The following PPFIA1 variants were observed in gnomAD, a reference collection of about 807,000 sequenced individuals.
The protein encoded by PPFIA1 is PPFI scaffold protein A1.
Under a neutral mutation model 149.9 loss-of-function variants are expected in PPFIA1, and 25 were observed. The ratio of observed to expected loss-of-function variants is 0.17; its 90% confidence interval spans 0.12 to 0.23. The LOEUF (loss-of-function observed/expected upper bound fraction) is 0.23, where lower values mean the gene tolerates loss of function less well. PPFIA1 is among the 10% of genes least tolerant of loss of function. The pLI is 1.00. For synonymous variants in PPFIA1, 549 were observed against 552.8 expected (o/e 0.99, Z 0.10); for missense variants, 1,362 against 1,506.5 (o/e 0.90, Z 1.59).
In PPFIA1 at chr11:70,270,731, C is replaced by A. The variant is rs1160133598; in HGVS notation, c.-184C>A. 6.6e-6 allele frequency: 1 copy of A among 150,846 alleles called. No homozygotes were observed. The highest frequency in any genetic ancestry group is 2.1e-4 in the South Asian group (1 of 4,814). 9.3% of individuals were successfully genotyped at this position (150,846 alleles called of 1,614,324 possible). On this transcript the variant is annotated 5_prime_UTR_variant, in exon 1 of 28. Transcript: ENST00000253925. The stretch of plus-strand genomic sequence containing the variant: ...CAGCCGGGCCCGCTCCTCCTCCGCT[C>A]CGCCAGTGTCCGGCCGCGGGCCGGC...
Position 70,339,209 on chromosome 11 carries a change from C to G in PPFIA1, c.1610C>G (p.Pro537Arg). 6.2e-7 allele frequency: 1 copy of G among 1,614,162 alleles called. No homozygotes were observed. Among genetic ancestry groups the G allele is most frequent in the South Asian group, 1.1e-5 (1 of 91,088 alleles). Residue 537 changes from proline (P) to arginine (R), a missense_variant, in exon 14 of 28, where the codon CCC becomes CGC. Transcript: ENST00000253925. ...HLGSVPDFRF[P>R]MADGHTDSYS... ...GGCAGTGTCCCAGATTTCAGGTTCC[C>G]CATGGCAGACGGCCACACAGACTCC...
intron 3 of PPFIA1, 97 bp downstream of exon 3, chr11:70,324,600 C>A: frequency 9.2e-7 from 1 of 1,088,412 alleles, no homozygotes. Flanking sequence ...TCTGTCTGGC[C>A]TGAAATACTT....
intron 15 of PPFIA1, among the ~76,000 whole-genome samples, 163 bp downstream of exon 15, chr11:70,344,055 G>T (rs2055522990): frequency 6.6e-6 from 1 of 152,226 alleles, no homozygotes; most frequent in Non-Finnish European, 1.5e-5. Context: ...GTCTGAAATT[G>T]CCCTTGAATA....
chr11:70,336,452 A>G (rs1423355360), intron 11 of PPFIA1, among the ~76,000 whole-genome samples: 2 of 151,658 alleles, frequency 1.3e-5, no homozygotes, highest in Non-Finnish European at 2.9e-5. Flanking sequence ...TAGTGAGCCA[A>G]GATTGCGCCA....
At chr11:70,288,442 GC>G (rs1373705317) in intron 2 of PPFIA1, among the ~76,000 whole-genome samples, 1 of 152,142 alleles carries the variant, frequency 6.6e-6, no homozygotes, top group African/African-American at 2.4e-5. Context: ...AGAAAGTGGG[GC>G]CACTGCCTGA....
rs1276099175 is a variant in PPFIA1, at chr11:70,384,146, A to C, written c.*1156A>C. On this transcript the variant is annotated 3_prime_UTR_variant, in exon 28 of 28. Transcript: ENST00000253925. Reference sequence around the variant, plus strand: ...TAAATGGCATATTAACAAGCCAGCAAAGTGTGTCAGACCATGGCGTGGTAT... The same window carrying C: ...TAAATGGCATATTAACAAGCCAGCACAGTGTGTCAGACCATGGCGTGGTAT... 6.6e-6 allele frequency: 1 copy of C among 152,318 alleles called. No individual in the cohort carries two copies. Among genetic ancestry groups the C allele is most frequent in the Admixed American group, 6.5e-5 (1 of 15,304 alleles). 9.4% of individuals were successfully genotyped at this position (152,318 alleles called of 1,614,324 possible).
intron 2 of PPFIA1, among the ~76,000 whole-genome samples, chr11:70,280,386 T>C (rs989520307): frequency 6.6e-6 from 1 of 151,860 alleles, no homozygotes; most frequent in Admixed American, 6.6e-5. Flanking sequence ...CTGGCCAACA[T>C]GGTGAAACCC....
chr11:70,286,594 C>T (rs375629661), intron 2 of PPFIA1, among the ~76,000 whole-genome samples: 4 of 152,030 alleles, frequency 2.6e-5, no homozygotes, highest in East Asian at 1.9e-4. Flanking sequence ...GTCTCCAGGA[C>T]CTGTGGGATG....
intron 26 of PPFIA1, 51 bp from the exon 27 acceptor site, chr11:70,382,037 G>A (rs1296287010): frequency 6.5e-7 from 1 of 1,547,496 alleles, no homozygotes; most frequent in Non-Finnish European, 8.9e-7. Flanking sequence ...GATGTTCTAA[G>A]ACTAACTGCA....
rs1464278702 is a variant in PPFIA1 at position 70,338,452 on chromosome 11, G to A, written c.1570G>A (p.Gly524Ser). The A allele has an allele frequency of 1.2e-6, 2 of 1,606,814 alleles. No individual in the cohort carries two copies. Among genetic ancestry groups the A allele is most frequent in the Middle Eastern group, 1.7e-4 (1 of 6,042 alleles). Residue 524 changes from glycine to serine, a missense_variant and splice_region_variant, in exon 13 of 28, where the codon GGC becomes AGC. Transcript: ENST00000253925. Reference sequence around the variant, plus strand: ...ACTAAGAGGTGCTTCACTTCATCATGGGTATGGTATTAACCAGTGAGCAGC... The same window carrying A: ...ACTAAGAGGTGCTTCACTTCATCATAGGTATGGTATTAACCAGTGAGCAGC... Reference protein sequence around the residue: ...MRLRGASLHHGRPHLGSVPDF... With the variant: ...MRLRGASLHHSRPHLGSVPDF...
chr11:70,324,328 CTG>C (rs1349282597), intron 2 of PPFIA1, 72 bp from the exon 3 acceptor site: 22 of 1,132,172 alleles, frequency 1.9e-5, no homozygotes, highest in Non-Finnish European at 2.6e-6. Context: ...TGTGTGAAGA[CTG>C]TGGAGCCTTG....
intron 2 of PPFIA1, among the ~76,000 whole-genome samples, chr11:70,284,436 C>T (rs958909272): frequency 1.3e-5 from 2 of 152,202 alleles, no homozygotes; most frequent in East Asian, 3.8e-4. Context: ...CAGAGTCCTT[C>T]CTCCTATTTT....
chr11:70,350,492 T>G (rs1401517532), intron 16 of PPFIA1, among the ~76,000 whole-genome samples: 3 of 152,220 alleles, frequency 2.0e-5, no homozygotes, highest in Non-Finnish European at 4.4e-5. Flanking sequence ...ACAGGATACC[T>G]TGCTTTAAGC....
chr11:70,272,494 A>T, intron 2 of PPFIA1, 58 bp downstream of exon 2: 7 of 1,494,532 alleles, frequency 4.7e-6, no homozygotes, highest in Non-Finnish European at 6.3e-6. Flanking sequence ...TTTTTTTATT[A>T]GTGTCATCTT....
In PPFIA1 at chr11:70,383,087, C is replaced by T. The variant is rs2057769635; in HGVS notation, c.*97C>T. ...TTTGGAATCCAGTGGAATCTTTAAT[C>T]TTGTTAATACTTGTTATATGGACCC... On this transcript the variant is annotated 3_prime_UTR_variant, in exon 28 of 28. Coordinates refer to ENST00000253925, the MANE Select transcript of PPFIA1 (RefSeq NM_003626.5). 1 of 410,798 alleles carries T rather than the reference C, an allele frequency of 2.4e-6. No homozygotes were observed. Among genetic ancestry groups the T allele is most frequent in the South Asian group, 1.8e-5 (1 of 55,766 alleles). 25.4% of individuals were successfully genotyped at this position (410,798 alleles called of 1,614,324 possible). A position where few individuals can be genotyped will look rare whatever the true frequency, so the allele number is the denominator to read the frequency against.
chr11:70,346,052 C>A (rs1271675621), intron 15 of PPFIA1: 3 of 406,280 alleles, frequency 7.4e-6, no homozygotes, highest in East Asian at 7.2e-5. Flanking sequence ...AAGGGTTTTT[C>A]TTTAGCAACT....
intron 14 of PPFIA1, among the ~76,000 whole-genome samples, chr11:70,343,214 T>C (rs1199025144): frequency 6.6e-6 from 1 of 152,246 alleles, no homozygotes; most frequent in African/African-American, 2.4e-5. Context: ...CCCAAAATGC[T>C]GGGTTTACAG....
intron 8 of PPFIA1, 64 bp downstream of exon 8, chr11:70,330,383 TTC>T: frequency 7.3e-7 from 1 of 1,362,756 alleles, no homozygotes; most frequent in Admixed American, 2.7e-5. Context: ...AAGACCCTTT[TTC>T]TCTCACTTTC....
intron 2 of PPFIA1, among the ~76,000 whole-genome samples, chr11:70,323,139 A>G (rs1266231519): frequency 6.6e-6 from 1 of 152,168 alleles, no homozygotes; most frequent in Non-Finnish European, 1.5e-5. Flanking sequence ...CTGTGCCTCC[A>G]TTAAACCCAC....
Sources: allele counts gnomAD v4.1 joint callset (sites outside exome capture counted in the v4.1 genomes callset), GRCh38; gene constraint gnomAD v4.1.1; transcripts MANE v1.5; gene names NCBI Gene and HGNC (gene_info 2026-07-23, HGNC 2026-07-21).